ARNT2: variants seen among roughly 807,000 people sequenced by gnomAD.
ARNT2 encodes aryl hydrocarbon receptor nuclear translocator 2, also known as ARNT protein 2.
Under a neutral mutation model 91.7 loss-of-function variants are expected in ARNT2, and 36 were observed. The ratio of observed to expected loss-of-function variants is 0.39; its 90% CI spans 0.30 to 0.52. The LOEUF is 0.52. Among genes scored for constraint, ARNT2 ranks in the 20% least tolerant of loss-of-function variants. The pLI, the probability that ARNT2 is intolerant of heterozygous loss-of-function variation, is 0.72. For missense variants in ARNT2, 775 were observed against 939.3 expected, an observed-to-expected ratio of 0.83 and a Z score of 2.29; for synonymous variants, 365 against 347.1, an observed-to-expected ratio of 1.05 and a Z score of -0.57.
intron 1 of ARNT2, among the ~76,000 whole-genome samples, chr15:80,410,188 G>A (rs1326963423): frequency 6.6e-6 from 1 of 152,106 alleles, no homozygotes; most frequent in East Asian, 1.9e-4. Context: ...GAGAGAGAGG[G>A]AGGTGGATTT....
At chr15:80,457,679 G>C (rs988779825) in intron 2 of ARNT2, among the ~76,000 whole-genome samples, 2 of 152,216 alleles carry the variant, frequency 1.3e-5, no homozygotes, top group African/African-American at 4.8e-5. Flanking sequence ...TTCTGGAGGG[G>C]ACTAGTTGAT....
Position 80,404,673 on chromosome 15 carries a change from C to A in ARNT2, c.31+127C>A. The A allele has an allele frequency of 1.9e-6, 1 of 528,642 alleles. No homozygotes were observed. Among genetic ancestry groups the A allele is most frequent in the Non-Finnish European group, 2.4e-6 (1 of 409,208 alleles). 32.7% of individuals were successfully genotyped at this position (528,642 alleles called of 1,614,324 possible). ...CAGCTCGGCGCGGTGGGTGGTGGAG[C>A]GGCTGTCACTACGCGGCAGCCGCAG... On this transcript the variant is annotated intron_variant, in intron 1 of 18. Coordinates refer to ENST00000303329, the MANE Select transcript of ARNT2 (RefSeq NM_014862.4). This position sits in a 1 kb window ranked among gnomAD's most constrained non-coding sequence, Gnocchi z 5.5.
intron 1 of ARNT2, among the ~76,000 whole-genome samples, chr15:80,426,591 G>C (rs1895935438): frequency 6.6e-6 from 1 of 152,200 alleles, no homozygotes; most frequent in Non-Finnish European, 1.5e-5. Flanking sequence ...GTGATTGTTT[G>C]TTACTGGGTT....
chr15:80,478,359 A>G (rs1452294600), intron 5 of ARNT2, among the ~76,000 whole-genome samples: 2 of 152,248 alleles, frequency 1.3e-5, no homozygotes, highest in Admixed American at 6.5e-5. Flanking sequence ...TTGGGTGGAC[A>G]TTTCTGTCCA....
intron 3 of ARNT2, among the ~76,000 whole-genome samples, chr15:80,459,573 G>A (rs958610065): frequency 2.0e-5 from 3 of 152,202 alleles, no homozygotes; most frequent in African/African-American, 7.2e-5. Flanking sequence ...GAGGAAGAGA[G>A]ATGAGGAGTG....
intron 4 of ARNT2, among the ~76,000 whole-genome samples, chr15:80,473,037 G>T (rs1280571656): frequency 6.6e-6 from 1 of 152,120 alleles, no homozygotes; most frequent in East Asian, 1.9e-4. Flanking sequence ...GATGATAATG[G>T]TTACATTTAT....
Position 80,404,581 on chromosome 15 carries a change from G to T in ARNT2, c.31+35G>T, listed in dbSNP as rs2141547330. 1 of 1,061,498 alleles carries T rather than the reference G, an allele frequency of 9.4e-7. No individual in the cohort carries two copies. The highest frequency in any genetic ancestry group is 3.5e-5 in the South Asian group (1 of 28,288). 65.8% of individuals were successfully genotyped at this position (1,061,498 alleles called of 1,614,324 possible). On this transcript the variant is annotated intron_variant, in intron 1 of 18. Transcript: ENST00000303329. This position sits in a 1 kb window ranked among gnomAD's most constrained non-coding sequence, Gnocchi z 5.5. ...GGCCTGGGCCCCGCCGCCCGCCGCA[G>T]CCCGCAGGCCTTGCCCGGGGCCGGA...
At chr15:80,583,707 C>A (rs1025244782) in intron 17 of ARNT2, among the ~76,000 whole-genome samples, 10 of 152,200 alleles carry the variant, frequency 6.6e-5, no homozygotes, top group Non-Finnish European at 2.9e-5. Context: ...AGATAACTTA[C>A]CCAGGCTAAC....
chr15:80,452,802 C>A (rs375916556), intron 2 of ARNT2, among the ~76,000 whole-genome samples: 2 of 152,170 alleles, frequency 1.3e-5, no homozygotes, highest in African/African-American at 2.4e-5. Context: ...CTTCCCCTCC[C>A]GTAGGGCCTG....
chr15:80,530,730 C>T (rs1351010689), intron 8 of ARNT2, among the ~76,000 whole-genome samples: 2 of 152,138 alleles, frequency 1.3e-5, no homozygotes, highest in Non-Finnish European at 2.9e-5. Flanking sequence ...CTTTGCCTTG[C>T]AAAGTGGGGG....
chr15:80,470,399 G>A lies in ARNT2; in HGVS notation c.376G>A (p.Gly126Ser). The stretch of plus-strand genomic sequence containing the variant: ...GGGTACAGGGAACAAGTCCACCGAT[G>A]GCGCGTACAAGCCTTCCTTCCTCAC... ...MRGTGNKSTD[G>S]AYKPSFLTEQ... is the part of the protein sequence containing the mutation. The change falls in exon 4 of 19, where the codon GGC becomes AGC. Residue 126 changes from glycine (G) to serine (S), a missense_variant. By Grantham distance (56) the Gly-to-Ser change is moderately conservative. Around this residue, in one of 5 missense-constraint regions of ARNT2, gnomAD observed 83 missense variants for 149.4 expected, o/e 0.56. Coordinates refer to ENST00000303329, the MANE Select transcript of ARNT2 (RefSeq NM_014862.4). 2 of 1,614,162 alleles carry A rather than the reference G, an allele frequency of 1.2e-6. No homozygotes were observed. The highest frequency in any genetic ancestry group is 1.3e-5 in the African/African-American group (1 of 75,046).
intron 17 of ARNT2, among the ~76,000 whole-genome samples, chr15:80,584,524 G>A (rs920186215): frequency 1.3e-5 from 2 of 151,966 alleles, no homozygotes; most frequent in East Asian, 3.8e-4. Flanking sequence ...ATGGGTGAGT[G>A]GAGAAGGAAC....
chr15:80,552,183 C>T (rs756654551), intron 9 of ARNT2, among the ~76,000 whole-genome samples: 7 of 152,170 alleles, frequency 4.6e-5, no homozygotes, highest in African/African-American at 9.7e-5. Context: ...ATTGCTTGCA[C>T]ATGGGTGAAG....
chr15:80,420,241 CT>C (rs1895843741), intron 1 of ARNT2, among the ~76,000 whole-genome samples: 1 of 151,854 alleles, frequency 6.6e-6, no homozygotes, highest in Admixed American at 6.6e-5. Context: ...AGATTTTTGA[CT>C]TTATGATGGT....
intron 8 of ARNT2, among the ~76,000 whole-genome samples, chr15:80,521,605 T>G (rs1204158275): frequency 6.6e-6 from 1 of 151,978 alleles, no homozygotes; most frequent in African/African-American, 2.4e-5. Flanking sequence ...ATTCTACATG[T>G]CATTGCAGTC....
rs561531585 is a variant in ARNT2 at position 80,568,923 on chromosome 15, AACAC to A, written c.1317-5216_1317-5213del. Among the ~76,000 whole-genome samples the A allele has an allele frequency of 7.7e-4, 117 of 152,074 alleles. 1 individual carries two copies. The East Asian group carries it at 0.019, about 25-fold the overall frequency. The stretch of plus-strand genomic sequence containing the variant: ...CCACGTGGCCCAGGAAGTGAGCTCT[AACAC>A]ACACACACGCGCACACACACGCGCG... On this transcript the variant is annotated intron_variant, in intron 12 of 18. Transcript: ENST00000303329.
At chr15:80,480,742 CCCTT>C (rs1896872913) in intron 5 of ARNT2, among the ~76,000 whole-genome samples, 1 of 152,062 alleles carries the variant, frequency 6.6e-6, no homozygotes, top group African/African-American at 2.4e-5. Context: ...CTCCCTCCCT[CCCTT>C]CCTCTCCCCA....
chr15:80,410,250 T>G (rs948425935), intron 1 of ARNT2, among the ~76,000 whole-genome samples: 13 of 152,204 alleles, frequency 8.5e-5, no homozygotes, highest in Non-Finnish European at 1.8e-4. Flanking sequence ...GGGGCACCAG[T>G]TACTTCCCTG....
chr15:80,452,602 G>T (rs1308438514), intron 2 of ARNT2, among the ~76,000 whole-genome samples: 5 of 152,196 alleles, frequency 3.3e-5, no homozygotes, highest in Non-Finnish European at 7.3e-5. Context: ...CGCATTCCCT[G>T]AGGACAGAGC....
Sources: allele counts gnomAD v4.1 joint callset (sites outside exome capture counted in the v4.1 genomes callset), GRCh38; gene constraint gnomAD v4.1.1; regional missense constraint gnomAD v4.1.1; non-coding constraint Gnocchi (gnomAD v3.1); transcripts MANE v1.5; gene names NCBI Gene and HGNC (gene_info 2026-07-23, HGNC 2026-07-21).